The following RORA variants were observed in gnomAD, a reference collection of about 807,000 sequenced individuals.
RORA encodes RAR related orphan receptor A, also known as nuclear receptor ROR-alpha.
RORA carries 7 observed loss-of-function variants against 69.5 expected under a neutral mutation model. That is an observed-to-expected ratio of 0.10 (90% CI 0.06 to 0.19). The LOEUF (loss-of-function observed/expected upper bound fraction) is 0.19, where lower values mean the gene tolerates loss of function less well. Ranked by LOEUF, RORA falls within the 10% of genes least tolerant of loss-of-function variation. The pLI, the probability that RORA is intolerant of heterozygous loss-of-function variation, is 1.00. For synonymous variants in RORA, 261 were observed against 240.8 expected (o/e 1.08, Z -0.78); for missense variants, 457 against 663.0 (o/e 0.69, Z 3.41).
chr15:61,194,182 G>T (rs1319036456), intron 1 of RORA: 2 of 152,220 alleles, frequency 1.3e-5, no homozygotes, highest in African/African-American at 4.8e-5. Context: ...GCCCTTCCAA[G>T]TTCCCAGAGA....
intron 1 of RORA, among the ~76,000 whole-genome samples, chr15:60,766,264 T>C (rs1388574307): frequency 1.3e-5 from 2 of 152,146 alleles, no homozygotes; most frequent in Non-Finnish European, 2.9e-5. Flanking sequence ...TCACTTGAGA[T>C]CGTCAAAAGG....
In RORA at chr15:61,218,674, TCACACACACA is replaced by T. The variant is rs3054672; in HGVS notation, c.166+10369_166+10378del. Among the ~76,000 whole-genome samples, 78 of 142,950 alleles carry T rather than the reference TCACACACACA, an allele frequency of 5.5e-4. 1 individual carries two copies. Among genetic ancestry groups the T allele is most frequent in the East Asian group, 3.5e-3 (17 of 4,842 alleles). 93.8% of individuals were successfully genotyped at this position (142,950 alleles called of 152,430 possible). A position where few individuals can be genotyped will look rare whatever the true frequency, so the allele number is the denominator to read the frequency against. The stretch of plus-strand genomic sequence containing the variant: ...GTCCAAGTTAATTTACTAATATAAC[TCACACACACA>T]CACACACACACACACACACACACAC... On this transcript the variant is annotated intron_variant, in intron 1 of 10. Transcript: ENST00000335670.
chr15:60,670,312 C>T (rs6494213), intron 2 of RORA, among the ~76,000 whole-genome samples: 1 of 151,202 alleles, frequency 6.6e-6, no homozygotes, highest in Non-Finnish European at 1.5e-5. Context: ...CAGGTTCAAG[C>T]GATTATCCTG....
Position 61,131,459 on chromosome 15 carries a change from A to G in RORA, c.166+97594T>C, listed in dbSNP as rs1409703364. 6.6e-6 allele frequency among the ~76,000 whole-genome samples: 1 copy of G among 152,080 alleles called. No individual in the cohort carries two copies. Among genetic ancestry groups the G allele is most frequent in the Non-Finnish European group, 1.5e-5 (1 of 68,010 alleles). ...ACACAGCTGCAGGCTCTTTGGAGCT[A>G]CTCCTGGGTTGGGGTGAGTGGGGAC... On this transcript the variant is annotated intron_variant, in intron 1 of 10. Transcript: ENST00000335670. The surrounding 1 kb of genome is among the most constrained non-coding windows in gnomAD (Gnocchi z 4.2).
chr15:60,654,169 C>G (rs1479243672), intron 2 of RORA, among the ~76,000 whole-genome samples: 1 of 152,162 alleles, frequency 6.6e-6, no homozygotes, highest in African/African-American at 2.4e-5. Context: ...TATTTCTTCT[C>G]TTTGCAAATG....
intron 1 of RORA, among the ~76,000 whole-genome samples, chr15:60,760,142 AT>A (rs10717467): frequency 0.04 from 5,916 of 148,796 alleles, 295 homozygotes; most frequent in African/African-American, 0.12. Context: ...GCTTTAAAAT[AT>A]TTTTTTTTTT....
intron 2 of RORA, among the ~76,000 whole-genome samples, chr15:60,626,838 C>T (rs1450750578): frequency 6.6e-6 from 1 of 152,204 alleles, no homozygotes; most frequent in Non-Finnish European, 1.5e-5. Context: ...CACTCACCAC[C>T]ATTGGGCTCA....
chr15:60,763,065 ATTTTTTTTTTTTTTTTTT>A (rs374433414), intron 1 of RORA, among the ~76,000 whole-genome samples: 10 of 48,368 alleles, frequency 2.1e-4, no homozygotes, highest in African/African-American at 6.4e-4. Flanking sequence ...ATATGCACAG[ATTTTTTTTTTTTTTTTTT>A]TTTTTTTTTT....
At chr15:61,071,659 AGGGGT>A (rs1240067966) in intron 1 of RORA, among the ~76,000 whole-genome samples, 1 of 9,092 alleles carries the variant, frequency 1.1e-4, no homozygotes, top group Non-Finnish European at 1.9e-4. Flanking sequence ...AGGGGTGGGG[AGGGGT>A]GGGGAGGGGA....
chr15:60,505,713 C>T (rs2065478446), intron 5 of RORA, 84 bp from the exon 6 acceptor site: 1 of 1,493,488 alleles, frequency 6.7e-7, no homozygotes, highest in Non-Finnish European at 9.2e-7. Context: ...TAAGAAATAA[C>T]AAGTAGAAAA....
At chr15:61,130,044 A>G (rs2079177394) in intron 1 of RORA, among the ~76,000 whole-genome samples, 3 of 152,248 alleles carry the variant, frequency 2.0e-5, no homozygotes, top group Admixed American at 2.0e-4. Flanking sequence ...TCCTTATCAA[A>G]AAGGAAGAAG....
chr15:61,228,199 T>C (rs1054467072), intron 1 of RORA, among the ~76,000 whole-genome samples: 11 of 151,994 alleles, frequency 7.2e-5, no homozygotes, highest in Admixed American at 2.6e-4. Context: ...AGAGCAGAAA[T>C]AAGTTTCGGT....
intron 9 of RORA, among the ~76,000 whole-genome samples, chr15:60,500,710 T>A (rs908598662): frequency 6.6e-6 from 1 of 152,198 alleles, no homozygotes; most frequent in African/African-American, 2.4e-5. Context: ...TGGACTGGAT[T>A]TTGTTCAATT....
rs12916400 is a variant in RORA, at chr15:60,494,585, T to G, written c.*2870A>C. On this transcript the variant is annotated 3_prime_UTR_variant, in exon 11 of 11. Transcript: ENST00000335670. ...CCTTTTCTGAGCTCCATATTTTTTT[T>G]AAACTGAATTTATTGTTTAACATCA... 2.0e-5 allele frequency: 3 copies of G among 150,534 alleles called. No homozygotes were observed. The highest frequency in any genetic ancestry group is 7.3e-5 in the African/African-American group (3 of 40,882). The allele number at this position is 150,534 out of a possible 1,614,324, so 9.3% of individuals were successfully genotyped here.
chr15:60,729,699 G>T (rs2071405155), intron 1 of RORA, among the ~76,000 whole-genome samples: 1 of 152,232 alleles, frequency 6.6e-6, no homozygotes, highest in African/African-American at 2.4e-5. Flanking sequence ...GGCAAGACCT[G>T]TGCCAACAAA....
chr15:61,091,602 G>A (rs768569334), intron 1 of RORA, among the ~76,000 whole-genome samples: 7 of 152,126 alleles, frequency 4.6e-5, no homozygotes, highest in Non-Finnish European at 7.3e-5. Flanking sequence ...TATTCCACCC[G>A]ACTTCCTCAG....
intron 2 of RORA, among the ~76,000 whole-genome samples, chr15:60,671,129 GT>G (rs1050912101): frequency 1.4e-5 from 2 of 140,662 alleles, no homozygotes; most frequent in African/African-American, 5.8e-5. Context: ...AGCTTCCAGG[GT>G]TTTTTTGGGT....
chr15:60,642,406 C>T (rs1266065398), intron 2 of RORA, among the ~76,000 whole-genome samples: 6 of 152,172 alleles, frequency 3.9e-5, no homozygotes, highest in African/African-American at 1.4e-4. Context: ...TTGGTCCAGT[C>T]AGTGTAGGAC....
At chr15:60,671,066 T>TTATATATATA (rs1567149501) in intron 2 of RORA, among the ~76,000 whole-genome samples, 1 of 18,516 alleles carries the variant, frequency 5.4e-5, no homozygotes, top group Non-Finnish European at 8.9e-5. Flanking sequence ...TATATCCCAT[T>TTATATATATA]GATATATATA....
Sources: gnomAD v4.1 joint callset for allele counts (sites outside exome capture counted in the v4.1 genomes callset) on GRCh38, gnomAD v4.1.1 for gene constraint, Gnocchi (gnomAD v3.1) non-coding constraint, MANE v1.5 for transcripts, NCBI Gene and HGNC (gene_info 2026-07-23, HGNC 2026-07-21) for gene names.